Variants in KCNH8 observed in about 807,000 individuals in gnomAD.
KCNH8 encodes the protein potassium voltage-gated channel subfamily H member 8.
Under a neutral mutation model 103.6 loss-of-function variants are expected in KCNH8, and 70 were observed. The ratio of observed to expected loss-of-function variants is 0.68; its 90% CI spans 0.56 to 0.82. KCNH8 has a LOEUF of 0.82. KCNH8 is among the 40% of genes least tolerant of loss of function. The pLI is 0.00. For missense variants in KCNH8, 1,217 were observed against 1,329.9 expected, an observed-to-expected ratio of 0.92 and a Z score of 1.32; for synonymous variants, 498 against 489.4, an observed-to-expected ratio of 1.02 and a Z score of -0.23.
chr3:19,506,198 C>G (rs2068689595), intron 11 of KCNH8, among the ~76,000 whole-genome samples: 1 of 152,152 alleles, frequency 6.6e-6, no homozygotes, highest in Non-Finnish European at 1.5e-5. Context: ...TGCTGGGGAA[C>G]TAGTGTGGTT....
At chr3:19,493,745 CTTA>C (rs145725874) in intron 11 of KCNH8, among the ~76,000 whole-genome samples, 44 of 151,728 alleles carry the variant, frequency 2.9e-4, no homozygotes, top group African/African-American at 8.5e-4. Context: ...ATTGATGAGT[CTTA>C]TTATTATTAT....
At chr3:19,347,037 A>G (rs1463996148) in intron 4 of KCNH8, among the ~76,000 whole-genome samples, 2 of 152,094 alleles carry the variant, frequency 1.3e-5, no homozygotes, top group South Asian at 2.1e-4. Flanking sequence ...TTCTCCTCCC[A>G]TGACTTGACT....
Position 19,390,650 on chromosome 3 carries a change from G to A in KCNH8, c.969+12G>A. 1 of 1,605,504 alleles carries A rather than the reference G, an allele frequency of 6.2e-7. No individual in the cohort carries two copies. Among genetic ancestry groups the A allele is most frequent in the Non-Finnish European group, 8.5e-7 (1 of 1,176,546 alleles). On this transcript the variant is annotated intron_variant, in intron 6 of 15. Transcript: ENST00000328405. The stretch of plus-strand genomic sequence containing the variant: ...TCAACGTCACAGTGGTGAGTAAAGA[G>A]CTCCCCGCCACATGGCCTTTAAGGT...
intron 1 of KCNH8, among the ~76,000 whole-genome samples, chr3:19,199,241 C>T (rs1186163547): frequency 6.6e-6 from 1 of 152,056 alleles, no homozygotes. Flanking sequence ...CTTAATTCTA[C>T]CCTTTGTTTT....
At chr3:19,282,174 A>G (rs1010485750) in intron 3 of KCNH8, among the ~76,000 whole-genome samples, 14 of 152,104 alleles carry the variant, frequency 9.2e-5, no homozygotes, top group Non-Finnish European at 4.4e-5. Flanking sequence ...TTTTCAATAC[A>G]TTATGTTTCT....
At chr3:19,208,117 C>G (rs2063734905) in intron 1 of KCNH8, among the ~76,000 whole-genome samples, 1 of 151,960 alleles carries the variant, frequency 6.6e-6, no homozygotes, top group African/African-American at 2.4e-5. Flanking sequence ...TTGAGAGTGT[C>G]AGATGCTAAA....
intron 1 of KCNH8, among the ~76,000 whole-genome samples, chr3:19,182,861 T>C (rs2063468777): frequency 6.6e-6 from 1 of 152,198 alleles, no homozygotes; most frequent in Non-Finnish European, 1.5e-5. Context: ...GAAATGCATT[T>C]GAAAAATATT....
chr3:19,512,693 G>A (rs569535093), intron 12 of KCNH8, among the ~76,000 whole-genome samples: 3 of 151,992 alleles, frequency 2.0e-5, no homozygotes, highest in Non-Finnish European at 4.4e-5. Flanking sequence ...CACCTTTCAC[G>A]TGGCTCCCCA....
At chr3:19,257,513 T>C (rs2064361560) in intron 2 of KCNH8, among the ~76,000 whole-genome samples, 1 of 152,046 alleles carries the variant, frequency 6.6e-6, no homozygotes, top group Non-Finnish European at 1.5e-5. Context: ...TATCAACAAG[T>C]TGTGTCTTCT....
chr3:19,209,670 G>A (rs2063750450), intron 1 of KCNH8, among the ~76,000 whole-genome samples: 1 of 152,104 alleles, frequency 6.6e-6, no homozygotes, highest in South Asian at 2.1e-4. Flanking sequence ...GCACAGCTCC[G>A]TTTACTAGAT....
intron 12 of KCNH8, among the ~76,000 whole-genome samples, chr3:19,512,419 G>C (rs1464575491): frequency 6.6e-6 from 1 of 152,180 alleles, no homozygotes; most frequent in South Asian, 2.1e-4. Context: ...AGAACAAGGA[G>C]AGCAGGAAGT....
intron 5 of KCNH8, among the ~76,000 whole-genome samples, chr3:19,354,573 A>C (rs1207115416): frequency 6.6e-6 from 1 of 152,054 alleles, no homozygotes; most frequent in African/African-American, 2.4e-5. Context: ...CAGAAATAAT[A>C]CCACACATGT....
chr3:19,431,266 G>A (rs904616931), intron 7 of KCNH8, among the ~76,000 whole-genome samples: 3 of 152,292 alleles, frequency 2.0e-5, no homozygotes, highest in African/African-American at 7.2e-5. Context: ...CTTTAGTTCT[G>A]TTTACGTGAT....
chr3:19,286,754 A>C (rs968303538), intron 3 of KCNH8, among the ~76,000 whole-genome samples: 2 of 152,218 alleles, frequency 1.3e-5, no homozygotes, highest in Non-Finnish European at 2.9e-5. Flanking sequence ...TTAGGGAATA[A>C]TGACAAGAAA....
At chr3:19,521,600 A>G (rs2068971726) in intron 15 of KCNH8, among the ~76,000 whole-genome samples, 1 of 151,990 alleles carries the variant, frequency 6.6e-6, no homozygotes, top group Admixed American at 6.6e-5. Context: ...TTTTTAGAAT[A>G]AAATGAAAAT....
intron 11 of KCNH8, among the ~76,000 whole-genome samples, chr3:19,486,601 CAT>C (rs1352031975): frequency 2.0e-5 from 3 of 152,112 alleles, no homozygotes; most frequent in Admixed American, 6.5e-5. Flanking sequence ...CTTTTTGACA[CAT>C]AGAGTGTAAA....
At chr3:19,149,810 A>G (rs1226404803) in intron 1 of KCNH8, among the ~76,000 whole-genome samples, 5 of 152,152 alleles carry the variant, frequency 3.3e-5, no homozygotes, top group Non-Finnish European at 7.4e-5. Flanking sequence ...CATTTATCCT[A>G]AAGTCCTTCT....
intron 10 of KCNH8, 46 bp from the exon 11 acceptor site, chr3:19,456,722 A>G: frequency 7.4e-7 from 1 of 1,349,374 alleles, no homozygotes; most frequent in Non-Finnish European, 1.1e-6. Context: ...TATCAGTCCT[A>G]AGCTTGCTTT....
At chr3:19,318,153 A>G (rs1307349631) in intron 3 of KCNH8, among the ~76,000 whole-genome samples, 3 of 152,022 alleles carry the variant, frequency 2.0e-5, no homozygotes, top group Non-Finnish European at 4.4e-5. Context: ...CAAATGTGCA[A>G]AAGTTGCTAG....
Sources: allele counts gnomAD v4.1 joint callset (sites outside exome capture counted in the v4.1 genomes callset), GRCh38; gene constraint gnomAD v4.1.1; transcripts MANE v1.5; gene names NCBI Gene and HGNC (gene_info 2026-07-23, HGNC 2026-07-21).